MAP4: variants seen among roughly 807,000 people sequenced by gnomAD.
The protein encoded by MAP4 is microtubule-associated protein 4.
In MAP4, 76 loss-of-function variants were observed where a neutral mutation model predicts 170.2. The observed-to-expected ratio is 0.45, with a 90% confidence interval of 0.37 to 0.54. The LOEUF (loss-of-function observed/expected upper bound fraction) is 0.54. MAP4 is among the 20% of genes least tolerant of loss of function. MAP4 has a pLI of 0.00. For synonymous variants in MAP4, 909 were observed against 994.5 expected (o/e 0.91, Z 1.62); for missense variants, 2,506 against 2,748.0 (o/e 0.91, Z 1.97).
chr3:47,914,306 C>T (rs1183333604), intron 8 of MAP4, among the ~76,000 whole-genome samples: 4 of 151,896 alleles, frequency 2.6e-5, no homozygotes, highest in Admixed American at 2.6e-4. Context: ...GCCTGTAATC[C>T]CAACACTTTG....
chr3:48,056,867 G>C (rs2100132202), intron 1 of MAP4, among the ~76,000 whole-genome samples: 1 of 122,780 alleles, frequency 8.1e-6, no homozygotes, highest in Non-Finnish European at 1.7e-5. Flanking sequence ...CCCCTGCCCG[G>C]CCAGCCACCC....
At chr3:47,955,638 T>C (rs1006624199) in intron 3 of MAP4, among the ~76,000 whole-genome samples, 1 of 152,186 alleles carries the variant, frequency 6.6e-6, no homozygotes, top group Non-Finnish European at 1.5e-5. Context: ...CAGGATTCAA[T>C]TGCTCAAAAC....
chr3:47,958,808 C>T (rs1358645412), intron 3 of MAP4, among the ~76,000 whole-genome samples: 2 of 151,882 alleles, frequency 1.3e-5, no homozygotes, highest in African/African-American at 4.8e-5. Flanking sequence ...CTCAGCCTCC[C>T]AAGTAGCTGG....
In MAP4 at chr3:47,909,920, G is replaced by T. The variant is rs777361394; in HGVS notation, c.4501C>A (p.Pro1501Thr). ...GCAACTCCTCCTGTGCTTGTAGAGGGCACAACAGCAGAGGGACCCTTGGGT... is the reference window on the plus strand; with the variant it reads ...GCAACTCCTCCTGTGCTTGTAGAGGTCACAACAGCAGAGGGACCCTTGGGT... ...ERPKGPSAVV[P>T]STSTGGVALP... The change falls in exon 9 of 21, where the codon CCC becomes ACC. Residue 1501 changes from proline to threonine, a missense_variant. Pro to Thr is a conservative substitution (Grantham distance 38). Transcript: ENST00000683076. The T allele has an allele frequency of 6.8e-6, 11 of 1,613,860 alleles. No homozygotes were observed. Among genetic ancestry groups the T allele is most frequent in the Non-Finnish European group, 9.3e-6 (11 of 1,179,868 alleles).
At chr3:48,056,143 C>T (rs1325738908) in intron 1 of MAP4, among the ~76,000 whole-genome samples, 19 of 145,468 alleles carry the variant, frequency 1.3e-4, no homozygotes, top group African/African-American at 4.0e-4. Context: ...CCCGGCCAGC[C>T]GCCCCATCCG....
At chr3:48,056,972 C>T (rs1192602020) in intron 1 of MAP4, among the ~76,000 whole-genome samples, 7 of 122,382 alleles carry the variant, frequency 5.7e-5, no homozygotes, top group Admixed American at 7.6e-5. Flanking sequence ...CCGCCCCGTC[C>T]GGGAGGGAGG....
intron 1 of MAP4, among the ~76,000 whole-genome samples, chr3:48,015,737 C>A (rs1280887064): frequency 1.3e-5 from 2 of 152,098 alleles, no homozygotes; most frequent in Non-Finnish European, 2.9e-5. Context: ...TACTTTCAAG[C>A]AAAATGATAT....
At chr3:48,036,786 C>A (rs1026477022) in intron 1 of MAP4, among the ~76,000 whole-genome samples, 2 of 152,234 alleles carry the variant, frequency 1.3e-5, no homozygotes, top group East Asian at 3.8e-4. Flanking sequence ...AAAGAGCCTG[C>A]AACAGGCAAA....
rs2100036166 is a variant in MAP4 at position 47,911,944 on chromosome 3, A to G, written c.2477T>C (p.Val826Ala). 3 of 1,536,106 alleles carry G rather than the reference A, an allele frequency of 2.0e-6. No individual in the cohort carries two copies. The highest frequency in any genetic ancestry group is 1.2e-5 in the South Asian group (1 of 84,060). ...TTCCCTTTTCAAGTTTTCTCCAGAT[A>G]CAAGTCCATATTCTGTACCCATAGT... ...PTTMGTEYGL[V>A]SGENLKRECL... The change falls in exon 9 of 21, where the codon GTA becomes GCA. Residue 826 changes from valine to alanine, a missense_variant. Transcript: ENST00000683076. The surrounding 1 kb of genome is among the most constrained non-coding windows in gnomAD (Gnocchi z 4.0).
chr3:48,056,652 C>A (rs1258861133), intron 1 of MAP4, among the ~76,000 whole-genome samples: 1 of 125,724 alleles, frequency 8.0e-6, no homozygotes. Flanking sequence ...GCCGCCCTGT[C>A]TGGGAGGGAG....
chr3:48,030,088 T>A (rs1248027193), intron 1 of MAP4, among the ~76,000 whole-genome samples: 3 of 148,414 alleles, frequency 2.0e-5, no homozygotes, highest in African/African-American at 7.4e-5. Context: ...ATTATATATT[T>A]TATATATATG....
chr3:47,942,843 CTCACACCTGTAA>C (rs2100057337), intron 3 of MAP4, among the ~76,000 whole-genome samples: 2 of 152,290 alleles, frequency 1.3e-5, no homozygotes, highest in African/African-American at 4.8e-5. Context: ...GGCATGGCGG[CTCACACCTGTAA>C]TCATCGCAAT....
Position 47,912,095 on chromosome 3 carries a change from T to G in MAP4, c.2326A>C (p.Lys776Gln). 1 of 1,536,136 alleles carries G rather than the reference T, an allele frequency of 6.5e-7. No individual in the cohort carries two copies. The highest frequency in any genetic ancestry group is 8.7e-7 in the Non-Finnish European group (1 of 1,146,906). Residue 776 changes from lysine to glutamine, a missense_variant, in exon 9 of 21, where the codon AAG becomes CAG. This residue lies in a region of MAP4 where 2,008 missense variants were observed against 2,206.0 expected (regional missense o/e 0.91). Transcript: ENST00000683076. ...IMMKKKKKKP[K>Q]QKRYSQPRAG... The stretch of plus-strand genomic sequence containing the variant: ...CGTGGTTGAGAATATCTCTTTTGCT[T>G]TGGTTTCTTCTTCTTTTTCTTCATC...
At chr3:47,964,415 G>C (rs1578412766) in intron 3 of MAP4, among the ~76,000 whole-genome samples, 1 of 152,154 alleles carries the variant, frequency 6.6e-6, no homozygotes, top group Non-Finnish European at 1.5e-5. Flanking sequence ...AGAGGATAGG[G>C]AAACCAAATG....
chr3:47,939,672 A>G (rs923977597), intron 3 of MAP4, among the ~76,000 whole-genome samples: 1 of 151,670 alleles, frequency 6.6e-6, no homozygotes, highest in Non-Finnish European at 1.5e-5. Flanking sequence ...GATTCTGCTT[A>G]TATTTCTTAC....
Position 48,012,523 on chromosome 3 carries a change from C to T in MAP4, c.-20+3811G>A, listed in dbSNP as rs376695363. Among the ~76,000 whole-genome samples, 4 of 152,250 alleles carry T rather than the reference C, an allele frequency of 2.6e-5. No homozygotes were observed. The South Asian group carries it at 8.3e-4, about 32-fold the overall frequency. ...AGATGCAATCTACTCAAATCTTTTC[C>T]TCATTTAAGGCACAGGGTAAAAATA... On this transcript the variant is annotated intron_variant, in intron 1 of 20. Coordinates refer to ENST00000683076, the MANE Select transcript of MAP4 (RefSeq NM_001385682.1).
At chr3:48,067,932 A>C (rs1400925426) in intron 1 of MAP4, among the ~76,000 whole-genome samples, 4 of 152,068 alleles carry the variant, frequency 2.6e-5, no homozygotes, top group Admixed American at 6.6e-5. Context: ...GAGCCACTGC[A>C]ACTGGCCCAG....
intron 12 of MAP4, among the ~76,000 whole-genome samples, chr3:47,874,081 G>A (rs938686789): frequency 6.6e-6 from 1 of 152,202 alleles, no homozygotes; most frequent in South Asian, 2.1e-4. Context: ...TCAGAAGCCT[G>A]AGCTGCAGTC....
At chr3:47,996,483 G>A (rs2100095708) in intron 2 of MAP4, among the ~76,000 whole-genome samples, 1 of 152,116 alleles carries the variant, frequency 6.6e-6, no homozygotes, top group African/African-American at 2.4e-5. Flanking sequence ...GGGTACACAG[G>A]GAAGGCTGAA....
Sources: gnomAD v4.1 joint callset for allele counts (sites outside exome capture counted in the v4.1 genomes callset) on GRCh38, gnomAD v4.1.1 for gene constraint, gnomAD v4.1.1 regional missense constraint, Gnocchi (gnomAD v3.1) non-coding constraint, MANE v1.5 for transcripts, NCBI Gene and HGNC (gene_info 2026-07-23, HGNC 2026-07-21) for gene names.